PPM1H: variants seen among roughly 807,000 people sequenced by gnomAD.
The protein encoded by PPM1H is protein phosphatase 1H.
In PPM1H, 27 loss-of-function variants were observed where a neutral mutation model predicts 54.9. The ratio of observed to expected loss-of-function variants is 0.49; its 90% CI spans 0.36 to 0.68. PPM1H has a LOEUF of 0.68. Among genes scored for constraint, PPM1H ranks in the 30% least tolerant of loss-of-function variants. The pLI is 0.00. For synonymous variants in PPM1H, 305 were observed against 270.8 expected (o/e 1.13, Z -1.24); for missense variants, 596 against 667.8 (o/e 0.89, Z 1.19).
At chr12:62,843,149 C>G (rs1459746401) in intron 1 of PPM1H, among the ~76,000 whole-genome samples, 1 of 152,054 alleles carries the variant, frequency 6.6e-6, no homozygotes, top group African/African-American at 2.4e-5. Context: ...AACCCTGTCT[C>G]TACTAAAAAT....
rs1001279622 is a variant in PPM1H, at chr12:62,644,628, T to A, written c.*3861A>T. The A allele has an allele frequency of 2.6e-5, 4 of 152,238 alleles. No individual in the cohort carries two copies. Among genetic ancestry groups the A allele is most frequent in the Non-Finnish European group, 5.9e-5 (4 of 68,058 alleles). The allele number at this position is 152,238 out of a possible 1,614,324, so 9.4% of individuals were successfully genotyped here. On this transcript the variant is annotated 3_prime_UTR_variant, in exon 10 of 10. Coordinates refer to ENST00000228705, the MANE Select transcript of PPM1H (RefSeq NM_020700.2). The stretch of plus-strand genomic sequence containing the variant: ...CCACAGTGCTCACAGAAGAGGCAAG[T>A]CAGTCTGCTCGCGTAGCGTCCTTTG...
At chr12:62,804,463 G>C (rs969394788) in intron 2 of PPM1H, among the ~76,000 whole-genome samples, 1 of 151,856 alleles carries the variant, frequency 6.6e-6, no homozygotes, top group Non-Finnish European at 1.5e-5. Flanking sequence ...CTTGGAGTTT[G>C]TCTTTCTAGA....
chr12:62,690,317 A>T (rs565718361), intron 7 of PPM1H, among the ~76,000 whole-genome samples: 5 of 152,252 alleles, frequency 3.3e-5, no homozygotes, highest in Admixed American at 1.3e-4. Context: ...GGTGTAAAAA[A>T]TCAGAAATAG....
At chr12:62,845,049 A>G (rs746219947) in intron 1 of PPM1H, among the ~76,000 whole-genome samples, 24 of 152,234 alleles carry the variant, frequency 1.6e-4, no homozygotes, top group Non-Finnish European at 3.2e-4. Flanking sequence ...TCTGCCTTAT[A>G]AATAAGTTCT....
At chr12:62,867,574 T>A (rs1165339685) in intron 1 of PPM1H, among the ~76,000 whole-genome samples, 3 of 104,850 alleles carry the variant, frequency 2.9e-5, no homozygotes, top group Admixed American at 9.0e-5. Context: ...ATTTTTTTTT[T>A]TTTTTTTTTT....
At chr12:62,649,538 G>A (rs1395580430) in intron 9 of PPM1H, among the ~76,000 whole-genome samples, 2 of 152,168 alleles carry the variant, frequency 1.3e-5, no homozygotes, top group Admixed American at 1.3e-4. Flanking sequence ...AGAGCAGAGG[G>A]AGTCATAGTT....
At chr12:62,658,425 C>G (rs1431168072) in intron 9 of PPM1H, among the ~76,000 whole-genome samples, 1 of 151,988 alleles carries the variant, frequency 6.6e-6, no homozygotes, top group South Asian at 2.1e-4. Flanking sequence ...TGGTAAGCGT[C>G]TTCTTCTCTG....
At chr12:62,929,977 G>T (rs760433397) in intron 1 of PPM1H, among the ~76,000 whole-genome samples, 1 of 152,092 alleles carries the variant, frequency 6.6e-6, no homozygotes, top group African/African-American at 2.4e-5. Context: ...AGAGGTATCA[G>T]TCAGTAAGAG....
chr12:62,879,332 A>C (rs1870306523), intron 1 of PPM1H, among the ~76,000 whole-genome samples: 1 of 152,210 alleles, frequency 6.6e-6, no homozygotes, highest in African/African-American at 2.4e-5. Flanking sequence ...TTGCAGCACT[A>C]TTCACAATAG....
chr12:62,724,321 C>T (rs1424638110), intron 5 of PPM1H, among the ~76,000 whole-genome samples: 1 of 152,198 alleles, frequency 6.6e-6, no homozygotes, highest in African/African-American at 2.4e-5. Context: ...TCTCTTCTCC[C>T]ACATAAGGGT....
intron 8 of PPM1H, among the ~76,000 whole-genome samples, chr12:62,668,914 C>T (rs2136614450): frequency 1.3e-5 from 2 of 152,334 alleles, no homozygotes; most frequent in South Asian, 4.1e-4. Context: ...CTATTCCCAG[C>T]AGCAGAACAC....
intron 1 of PPM1H, among the ~76,000 whole-genome samples, chr12:62,879,951 C>G (rs996187671): frequency 6.6e-6 from 1 of 152,098 alleles, no homozygotes; most frequent in South Asian, 2.1e-4. Context: ...GGATTAGACA[C>G]TCTATTCTAA....
At chr12:62,785,318 C>T (rs377061987) in intron 4 of PPM1H, among the ~76,000 whole-genome samples, 8 of 152,242 alleles carry the variant, frequency 5.3e-5, no homozygotes, top group African/African-American at 1.7e-4. Context: ...CCGGGACTAC[C>T]GGCGTGTGCC....
At chr12:62,808,781 G>A (rs1339375549) in intron 2 of PPM1H, among the ~76,000 whole-genome samples, 1 of 152,072 alleles carries the variant, frequency 6.6e-6, no homozygotes, top group Non-Finnish European at 1.5e-5. Flanking sequence ...GAGGGCTAGG[G>A]TGACATTCCA....
chr12:62,737,110 C>T (rs930536472), intron 5 of PPM1H, among the ~76,000 whole-genome samples: 1 of 151,428 alleles, frequency 6.6e-6, no homozygotes, highest in South Asian at 2.1e-4. Context: ...TTCCTCACAA[C>T]GGGAATCAGA....
At chr12:62,895,514 C>G (rs147577194) in intron 1 of PPM1H, among the ~76,000 whole-genome samples, 2 of 151,886 alleles carry the variant, frequency 1.3e-5, no homozygotes, top group Non-Finnish European at 2.9e-5. Context: ...CCTACTGCTA[C>G]GGTTTGCATA....
chr12:62,799,806 T>C (rs1286411825), intron 3 of PPM1H, among the ~76,000 whole-genome samples: 3 of 152,176 alleles, frequency 2.0e-5, no homozygotes, highest in East Asian at 1.9e-4. Flanking sequence ...TGGAATACAG[T>C]GACAAAAAAG....
chr12:62,893,640 G>T (rs1592659100), intron 1 of PPM1H, among the ~76,000 whole-genome samples: 1 of 151,766 alleles, frequency 6.6e-6, no homozygotes, highest in African/African-American at 2.4e-5. Flanking sequence ...TGTGTGCGGG[G>T]GGGAGGGGGT....
At chr12:62,917,079 T>C (rs1304085782) in intron 1 of PPM1H, among the ~76,000 whole-genome samples, 2 of 152,258 alleles carry the variant, frequency 1.3e-5, no homozygotes, top group African/African-American at 4.8e-5. Flanking sequence ...ATTTGACTTA[T>C]GTGAATTTTC....
Sources: gnomAD v4.1 joint callset for allele counts (sites outside exome capture counted in the v4.1 genomes callset) on GRCh38, gnomAD v4.1.1 for gene constraint, MANE v1.5 for transcripts, NCBI Gene and HGNC (gene_info 2026-07-23, HGNC 2026-07-21) for gene names.